The following PSMG2 variants were observed in gnomAD, a reference collection of about 807,000 sequenced individuals.
PSMG2 encodes the protein proteasome assembly chaperone 2.
Under a neutral mutation model 31.5 loss-of-function variants are expected in PSMG2, and 21 were observed. The ratio of observed to expected loss-of-function variants is 0.67; its 90% CI spans 0.47 to 0.96. PSMG2 has a LOEUF of 0.96. PSMG2 is among the 40% of genes least tolerant of loss of function. The pLI is 0.00. For missense variants in PSMG2, 318 were observed against 321.2 expected (o/e 0.99, Z 0.08); for synonymous variants, 120 against 110.4 (o/e 1.09, Z -0.54).
chr18:12,702,594 C>A, upstream of PSMG2: 1 of 1,578,440 alleles, frequency 6.3e-7, no homozygotes, highest in South Asian at 1.1e-5. Flanking sequence ...CCTCAGATGC[C>A]CTAACTGCGC....
chr18:12,702,796 C>A (rs944210535), upstream of PSMG2: 2 of 569,226 alleles, frequency 3.5e-6, no homozygotes, highest in South Asian at 4.4e-5. Flanking sequence ...CTGGCCCGCA[C>A]GCTGCCTGAT....
intron 1 of PSMG2, among the ~76,000 whole-genome samples, chr18:12,703,376 A>G (rs1425674690): frequency 6.6e-6 from 1 of 152,244 alleles, no homozygotes; most frequent in Admixed American, 6.5e-5. Flanking sequence ...TCAAGTCTAC[A>G]ATTTGTAGTC....
intron 1 of PSMG2, among the ~76,000 whole-genome samples, chr18:12,688,865 A>T (rs768068610): frequency 1.3e-5 from 2 of 152,188 alleles, no homozygotes; most frequent in Non-Finnish European, 2.9e-5. Flanking sequence ...CTATGATCCC[A>T]GCACTTTGGG....
intron 1 of PSMG2, among the ~76,000 whole-genome samples, chr18:12,697,571 A>C (rs193083149): frequency 6.6e-6 from 1 of 152,266 alleles, no homozygotes; most frequent in Non-Finnish European, 1.5e-5. Flanking sequence ...ATACAAGTAC[A>C]GTCCTATTTC....
intron 1 of PSMG2, chr18:12,674,764 T>C: frequency 6.4e-7 from 1 of 1,567,900 alleles, no homozygotes; most frequent in Non-Finnish European, 8.7e-7. Context: ...CTATGAGCAA[T>C]CAAGAGAAAA....
intron 1 of PSMG2, among the ~76,000 whole-genome samples, chr18:12,677,443 C>T (rs375396308): frequency 3.5e-4 from 39 of 110,600 alleles, no homozygotes; most frequent in African/African-American, 1.4e-3. Context: ...GGTGACAGAG[C>T]GAGAGATTCC....
chr18:12,683,300 C>T (rs376885010), intron 1 of PSMG2, among the ~76,000 whole-genome samples: 4 of 150,418 alleles, frequency 2.7e-5, no homozygotes, highest in South Asian at 2.1e-4. Flanking sequence ...TGCAGTGAGT[C>T]GAGATCGTGA....
intron 1 of PSMG2, among the ~76,000 whole-genome samples, chr18:12,703,572 C>T (rs1226163675): frequency 2.0e-5 from 3 of 152,142 alleles, no homozygotes; most frequent in East Asian, 1.9e-4. Flanking sequence ...TAACTCTTGC[C>T]GGTAGTTAGC....
At chr18:12,700,972 G>A (rs1568035425), upstream of PSMG2, 3 of 1,612,892 alleles carry the variant, frequency 1.9e-6, no homozygotes, top group South Asian at 3.3e-5. Flanking sequence ...ACAAAATTAA[G>A]TTCTTTCATC....
intron 4 of PSMG2, 129 bp downstream of exon 4, chr18:12,718,764 G>A (rs567356918): frequency 1.7e-5 from 10 of 572,890 alleles, no homozygotes; most frequent in Admixed American, 1.3e-4. Flanking sequence ...AAAGAGGGGG[G>A]TAAGAGAAGG....
At chr18:12,667,631 C>T (rs1418714236) in intron 1 of PSMG2, among the ~76,000 whole-genome samples, 1 of 151,394 alleles carries the variant, frequency 6.6e-6, no homozygotes, top group Non-Finnish European at 1.5e-5. Flanking sequence ...CGTGGTGGCA[C>T]GTGCCTGTAC....
chr18:12,681,442 G>T (rs767838427), intron 1 of PSMG2, among the ~76,000 whole-genome samples: 2 of 151,652 alleles, frequency 1.3e-5, no homozygotes, highest in East Asian at 1.9e-4. Flanking sequence ...ATAAACAGGG[G>T]TCTTACTGTG....
At chr18:12,674,827 A>T in intron 1 of PSMG2, 1 of 886,840 alleles carries the variant, frequency 1.1e-6, no homozygotes, top group South Asian at 1.9e-5. Context: ...AAAAATGTTG[A>T]TTATTTTAAT....
At chr18:12,662,453 A>G (rs1407165763) in intron 1 of PSMG2, among the ~76,000 whole-genome samples, 1 of 152,210 alleles carries the variant, frequency 6.6e-6, no homozygotes, top group Non-Finnish European at 1.5e-5. Flanking sequence ...CTACATTACA[A>G]TGTCCATGTA....
At chr18:12,678,455 A>C in intron 1 of PSMG2, 1 of 1,533,788 alleles carries the variant, frequency 6.5e-7, no homozygotes, top group Non-Finnish European at 8.8e-7. Context: ...AAAAAAATTA[A>C]ATAATTTTAT....
intron 1 of PSMG2, among the ~76,000 whole-genome samples, chr18:12,663,166 T>C (rs2038733332): frequency 6.6e-6 from 1 of 152,182 alleles, no homozygotes; most frequent in Non-Finnish European, 1.5e-5. Context: ...ACACAAACTT[T>C]CCAAATACTC....
rs150571186 is a variant in PSMG2, at chr18:12,714,618, C to T, written c.288+1858C>T. The stretch of plus-strand genomic sequence containing the variant: ...AAGCCATTCTCCAACCTCACCCTCC[C>T]GAGTAGCTGGGATTACAGGCATGCA... On this transcript the variant is annotated intron_variant, in intron 3 of 6. Coordinates refer to ENST00000317615, the MANE Select transcript of PSMG2 (RefSeq NM_020232.5). 5.1e-3 allele frequency among the ~76,000 whole-genome samples: 775 copies of T among 151,906 alleles called. 6 individuals carry two copies. The highest frequency in any genetic ancestry group is 0.018 in the African/African-American group (733 of 41,422).
chr18:12,702,716 C>G, upstream of PSMG2: 1 of 714,950 alleles, frequency 1.4e-6, no homozygotes, highest in South Asian at 2.0e-5. Flanking sequence ...GGGGGCTGAC[C>G]TGGAAATGAG....
chr18:12,694,854 G>A (rs1417441051), intron 1 of PSMG2, among the ~76,000 whole-genome samples: 2 of 151,808 alleles, frequency 1.3e-5, no homozygotes, highest in African/African-American at 4.8e-5. Flanking sequence ...GGTACTACAG[G>A]TGCCTGCCAC....
Sources: gnomAD v4.1 joint callset for allele counts (sites outside exome capture counted in the v4.1 genomes callset) on GRCh38, gnomAD v4.1.1 for gene constraint, MANE v1.5 for transcripts, NCBI Gene and HGNC (gene_info 2026-07-23, HGNC 2026-07-21) for gene names.